The following NOX4 variants were observed in gnomAD, a reference collection of about 807,000 sequenced individuals.
NOX4 encodes the protein NADPH oxidase 4, also known as kidney oxidase-1.
A neutral mutation model predicts 87.6 loss-of-function variants in NOX4; 69 were observed. That is an observed-to-expected ratio of 0.79 (90% CI 0.65 to 0.96). NOX4 has a LOEUF of 0.96. NOX4 is among the 40% of genes least tolerant of loss of function. The pLI, the probability that NOX4 is intolerant of heterozygous loss-of-function variation, is 0.00. For synonymous variants in NOX4, 275 were observed against 238.2 expected, an observed-to-expected ratio of 1.15 and a Z score of -1.42; for missense variants, 680 against 681.5, an observed-to-expected ratio of 1.00 and a Z score of 0.02.
chr11:89,475,053 T>C (rs1946107903), intron 2 of NOX4, among the ~76,000 whole-genome samples: 1 of 149,822 alleles, frequency 6.7e-6, no homozygotes, highest in Admixed American at 6.7e-5. Context: ...TTCAGTGAAA[T>C]ATTAAAAATA....
chr11:89,425,943 T>C (rs926199120), intron 7 of NOX4, among the ~76,000 whole-genome samples: 2 of 152,168 alleles, frequency 1.3e-5, no homozygotes, highest in Admixed American at 6.5e-5. Flanking sequence ...AGAGGAAATA[T>C]ATCTTATATT....
Position 89,489,614 on chromosome 11 carries a change from G to C in NOX4, c.153+844C>G, listed in dbSNP as rs372888421. Among the ~76,000 whole-genome samples, 12 of 151,830 alleles carry C rather than the reference G, an allele frequency of 7.9e-5. No homozygotes were observed. The South Asian group carries it at 1.9e-3, about 24-fold the overall frequency. ...GTGCTGGTGCGTGCCTGTAGTCCCA[G>C]CTACTCAGAAGGCTGAGGCAGGAGA... On this transcript the variant is annotated intron_variant, in intron 2 of 17. Transcript: ENST00000263317.
At chr11:89,424,197 C>G (rs947992640) in intron 7 of NOX4, among the ~76,000 whole-genome samples, 10 of 151,824 alleles carry the variant, frequency 6.6e-5, no homozygotes, top group African/African-American at 2.4e-4. Context: ...ATATGTTTTG[C>G]TGCAATCGTA....
At chr11:89,335,442 G>A (rs552467095) in intron 17 of NOX4, among the ~76,000 whole-genome samples, 1 of 151,690 alleles carries the variant, frequency 6.6e-6, no homozygotes, top group Non-Finnish European at 1.5e-5. Context: ...GTAAAAAAAG[G>A]TACAAAAAAT....
the NOX4 span, among the ~76,000 whole-genome samples, chr11:89,520,147 A>G: frequency 6.6e-6 from 1 of 151,994 alleles, no homozygotes; most frequent in African/African-American, 2.4e-5. Context: ...GCTCCCCAAT[A>G]TGGAAGAGGG....
chr11:89,530,635 A>G, the NOX4 span, among the ~76,000 whole-genome samples: 397 of 150,986 alleles, frequency 2.6e-3, 1 homozygote, highest in African/African-American at 9.1e-3. Flanking sequence ...CAAAGTGTTG[A>G]GATTACAGGT....
intron 2 of NOX4, among the ~76,000 whole-genome samples, chr11:89,465,786 A>G (rs1198245232): frequency 2.0e-5 from 3 of 151,686 alleles, no homozygotes; most frequent in Admixed American, 2.0e-4. Flanking sequence ...TTCTTTTAAG[A>G]AGTGTCTGTT....
chr11:89,541,658 T>A, the NOX4 span, among the ~76,000 whole-genome samples: 6 of 152,166 alleles, frequency 3.9e-5, no homozygotes, highest in African/African-American at 1.4e-4. Context: ...ACATTTAATA[T>A]CAAATTTTTA....
the NOX4 span, among the ~76,000 whole-genome samples, chr11:89,552,027 T>G: frequency 6.6e-6 from 1 of 152,150 alleles, no homozygotes; most frequent in Non-Finnish European, 1.5e-5. Context: ...TAAAAAAGTG[T>G]TACAAAAATA....
chr11:89,469,996 T>C (rs1302769679), intron 2 of NOX4, among the ~76,000 whole-genome samples: 3 of 152,064 alleles, frequency 2.0e-5, no homozygotes, highest in Admixed American at 6.6e-5. Context: ...AACCTGAATA[T>C]GAAGCCCCTT....
chr11:89,368,634 T>G (rs1939200395), intron 12 of NOX4, among the ~76,000 whole-genome samples: 1 of 152,144 alleles, frequency 6.6e-6, no homozygotes, highest in South Asian at 2.1e-4. Flanking sequence ...TTTATTCTCA[T>G]GATTTAATCA....
chr11:89,508,877 C>T, the NOX4 span, among the ~76,000 whole-genome samples: 14 of 152,052 alleles, frequency 9.2e-5, no homozygotes, highest in East Asian at 1.4e-3. Flanking sequence ...TATTTAAATC[C>T]AGGTTTGTAA....
chr11:89,569,779 G>A, the NOX4 span, among the ~76,000 whole-genome samples: 34,574 of 151,788 alleles, frequency 0.23, 4,886 homozygotes, highest in Middle Eastern at 0.35. Flanking sequence ...TGAGGCGGGC[G>A]GATCACAAGG....
At chr11:89,568,632 G>C in the NOX4 span, among the ~76,000 whole-genome samples, 1 of 152,150 alleles carries the variant, frequency 6.6e-6, no homozygotes, top group Non-Finnish European at 1.5e-5. Flanking sequence ...ATACAATGCT[G>C]TTCCTATCAA....
chr11:89,408,550 C>G (rs1395819245), intron 8 of NOX4, among the ~76,000 whole-genome samples: 1 of 152,032 alleles, frequency 6.6e-6, no homozygotes, highest in Non-Finnish European at 1.5e-5. Flanking sequence ...GGGTACCCAC[C>G]CTACCAAAGC....
intron 11 of NOX4, among the ~76,000 whole-genome samples, chr11:89,382,916 C>T (rs1940402341): frequency 6.6e-6 from 1 of 152,116 alleles, no homozygotes; most frequent in Non-Finnish European, 1.5e-5. Context: ...AATATAAAAA[C>T]CCAGCCCAGT....
chr11:89,326,924 G>A (rs1251462976), intron 17 of NOX4, 48 bp from the exon 18 acceptor site: 1 of 1,594,258 alleles, frequency 6.3e-7, no homozygotes. Context: ...AAATTAGGCA[G>A]AACATGACAA....
the NOX4 span, among the ~76,000 whole-genome samples, chr11:89,517,724 C>T: frequency 6.6e-6 from 1 of 151,804 alleles, no homozygotes; most frequent in Non-Finnish European, 1.5e-5. Context: ...CTCAAGCAAT[C>T]CTCCCACCTC....
At position 89,463,872 on chromosome 11, in the gene NOX4, T is replaced by C. The variant is rs143012534; in HGVS notation, c.154-11977A>G. On this transcript the variant is annotated intron_variant, in intron 2 of 17. Transcript: ENST00000263317. ...TGAAATAATTATCATTTGAGAGTGA[T>C]AGGTTTTTCTTGTTTATATAGGCTT... Among the ~76,000 whole-genome samples the C allele has an allele frequency of 3.9e-5, 6 of 152,130 alleles. 1 individual carries two copies. Among genetic ancestry groups the C allele is most frequent in the Admixed American group, 6.5e-5 (1 of 15,276 alleles).
Sources: gnomAD v4.1 joint callset for allele counts (sites outside exome capture counted in the v4.1 genomes callset) on GRCh38, gnomAD v4.1.1 for gene constraint, MANE v1.5 for transcripts, NCBI Gene and HGNC (gene_info 2026-07-23, HGNC 2026-07-21) for gene names.